Variants in MDN1 observed in about 807,000 individuals in gnomAD.
MDN1 encodes midasin AAA ATPase 1.
A neutral mutation model predicts 669.2 loss-of-function variants in MDN1; 266 were observed. That is an observed-to-expected ratio of 0.40 (90% confidence interval 0.36 to 0.44). The LOEUF is 0.44. Ranked by LOEUF, MDN1 falls within the 20% of genes least tolerant of loss-of-function variation. The probability of loss-of-function intolerance (pLI) is 1.00; values close to 1 mark genes in which losing one functional copy is unlikely to be tolerated. For missense variants in MDN1, 5,940 were observed against 6,754.0 expected, an observed-to-expected ratio of 0.88 and a Z score of 4.22; for synonymous variants, 2,385 against 2,457.1, an observed-to-expected ratio of 0.97 and a Z score of 0.87.
chr6:89,647,605 C>T (rs1808570265), intron 99 of MDN1, among the ~76,000 whole-genome samples: 1 of 152,138 alleles, frequency 6.6e-6, no homozygotes, highest in Non-Finnish European at 1.5e-5. Context: ...GCTAAGGAAG[C>T]TTCTATTCCA....
rs549477203 is a variant in MDN1 at position 89,793,525 on chromosome 6, C to T, written c.855+237G>A. ...TCCAGGAGTTCCAGATCAGCACAGACAACATAGTGAGACCCCGTCTCTACA... is the reference window on the plus strand; with the variant it reads ...TCCAGGAGTTCCAGATCAGCACAGATAACATAGTGAGACCCCGTCTCTACA... On this transcript the variant is annotated intron_variant, in intron 5 of 101. Transcript: ENST00000369393. Among the ~76,000 whole-genome samples, 9 of 152,246 alleles carry T rather than the reference C, an allele frequency of 5.9e-5. No homozygotes were observed. The East Asian group carries it at 1.7e-3, about 29-fold the overall frequency.
In MDN1 at chr6:89,745,511, T is replaced by C; in HGVS notation, c.4020A>G (p.Glu1340=). The change falls in exon 28 of 102, where the codon GAA becomes GAG. Residue 1340 remains glutamate (E), a synonymous_variant. Transcript: ENST00000369393. ...ACTCACCCAGCAATTTTAGAACATT[T>C]TCTTTGGAGAAAAGAGATTGAGGAC... ...KLCPQSLFSK[E]NVLKLLGKLS... 6.2e-7 allele frequency: 1 copy of C among 1,614,160 alleles called. No individual in the cohort carries two copies. Among genetic ancestry groups the C allele is most frequent in the South Asian group, 1.1e-5 (1 of 91,078 alleles).
At position 89,701,589 on chromosome 6, in the gene MDN1, T is replaced by C; in HGVS notation, c.8396A>G (p.Gln2799Arg). The C allele has an allele frequency of 6.2e-7, 1 of 1,614,186 alleles. No individual in the cohort carries two copies. Among genetic ancestry groups the C allele is most frequent in the Non-Finnish European group, 8.5e-7 (1 of 1,180,016 alleles). Residue 2799 changes from glutamine (Q) to arginine (R), a missense_variant, in exon 55 of 102, where the codon CAG becomes CGG. Physicochemically the swap from Gln to Arg is conservative, Grantham distance 43. Around this residue, in one of 5 missense-constraint regions of MDN1, gnomAD observed 2,292 missense variants for 2,638.3 expected, o/e 0.87. Transcript: ENST00000369393. ...AGGAAACGGTCGTCCCAGGAACTTC[T>C]GCAACTTCTTTATACCAGCGAAGCC... ...TGGFAGIKKL[Q>R]KFLGRPFPFK...
chr6:89,722,902 A>G (rs764108), intron 40 of MDN1, 53 bp downstream of exon 40: 264,534 of 1,505,456 alleles, frequency 0.18, 23,949 homozygotes, highest in East Asian at 0.2. Context: ...TCTCACCCAC[A>G]GGAAATCAAC....
At chr6:89,734,653 T>C (rs1386074686) in intron 33 of MDN1, among the ~76,000 whole-genome samples, 2 of 118,636 alleles carry the variant, frequency 1.7e-5, no homozygotes, top group South Asian at 2.7e-4. Flanking sequence ...GAGCCAGACA[T>C]TGTCTCAAAG....
intron 44 of MDN1, 139 bp from the exon 45 acceptor site, chr6:89,715,908 C>A: frequency 1.5e-6 from 1 of 677,558 alleles, no homozygotes; most frequent in South Asian, 1.7e-5. Flanking sequence ...ACAGTGATCT[C>A]TTTCAAAAGT....
chr6:89,779,539 A>G (rs1287083709), intron 11 of MDN1, among the ~76,000 whole-genome samples: 1 of 152,216 alleles, frequency 6.6e-6, no homozygotes, highest in African/African-American at 2.4e-5. Flanking sequence ...AAGTAGAGGG[A>G]TCGGATAGTT....
intron 88 of MDN1, among the ~76,000 whole-genome samples, chr6:89,659,917 C>T (rs148689164): frequency 2.0e-5 from 3 of 152,088 alleles, no homozygotes; most frequent in African/African-American, 4.8e-5. Flanking sequence ...GATGGAGTCT[C>T]GCTCTTGTTG....
chr6:89,670,036 C>G (rs1249446329), intron 83 of MDN1, among the ~76,000 whole-genome samples: 1 of 149,876 alleles, frequency 6.7e-6, no homozygotes, highest in Non-Finnish European at 1.5e-5. Flanking sequence ...AACCCTGTCT[C>G]TACTAAAAAT....
intron 60 of MDN1, 146 bp downstream of exon 60, chr6:89,696,214 T>C: frequency 9.2e-7 from 1 of 1,089,232 alleles, no homozygotes; most frequent in South Asian, 1.5e-5. Context: ...CACGGTAGCC[T>C]GAAAACATGC....
At position 89,771,550 on chromosome 6, in the gene MDN1, G is replaced by A. The variant is rs1399657834; in HGVS notation, c.2144+11C>T. 1.2e-6 allele frequency: 2 copies of A among 1,607,134 alleles called. No homozygotes were observed. The highest frequency in any genetic ancestry group is 1.3e-5 in the African/African-American group (1 of 74,514). The stretch of plus-strand genomic sequence containing the variant: ...CACAAAAATAAGAAAAAAATTTTAA[G>A]CCACACTTACCCTCCAAGCAAGTCT... On this transcript the variant is annotated intron_variant, in intron 15 of 101. Coordinates refer to ENST00000369393, the MANE Select transcript of MDN1 (RefSeq NM_014611.3).
At chr6:89,750,284 G>T in intron 24 of MDN1, 70 bp downstream of exon 24, 1 of 1,446,906 alleles carries the variant, frequency 6.9e-7, no homozygotes, top group South Asian at 1.3e-5. Context: ...AAAGGATGAA[G>T]AATATTACTT....
Position 89,670,888 on chromosome 6 carries a change from G to A in MDN1, c.13956+31C>T, listed in dbSNP as rs1810705690. On this transcript the variant is annotated intron_variant, in intron 83 of 101. Transcript: ENST00000369393. ...CATGAAATTTACTTGGGTCCCTGCT[G>A]CTCACAGTGCACCATGTGAACAGTC... 9 of 1,598,048 alleles carry A rather than the reference G, an allele frequency of 5.6e-6. No homozygotes were observed. The East Asian group carries it at 2.0e-4, about 36-fold the overall frequency.
chr6:89,647,540 C>G (rs1491001857), intron 99 of MDN1, among the ~76,000 whole-genome samples: 1 of 152,166 alleles, frequency 6.6e-6, no homozygotes, highest in Admixed American at 6.5e-5. Flanking sequence ...GATGCAAAGT[C>G]AAGTGATCCT....
At chr6:89,747,613 C>T (rs886905559) in intron 26 of MDN1, 143 bp from the exon 27 acceptor site, 32 of 1,006,588 alleles carry the variant, frequency 3.2e-5, no homozygotes, top group Middle Eastern at 4.6e-4. Flanking sequence ...ATTTTTTGGC[C>T]GGGCGTGGTG....
At chr6:89,705,651 T>C (rs149001831) in intron 53 of MDN1, among the ~76,000 whole-genome samples, 2 of 152,196 alleles carry the variant, frequency 1.3e-5, no homozygotes, top group African/African-American at 2.4e-5. Flanking sequence ...AAAAAGTATA[T>C]ATACTGCATA....
chr6:89,753,763 G>C, intron 21 of MDN1, 141 bp from the exon 22 acceptor site: 1 of 732,758 alleles, frequency 1.4e-6, no homozygotes, highest in Admixed American at 2.3e-5. Context: ...TAAAGGGAAG[G>C]GTAGGCCAGG....
At chr6:89,667,862 A>T in intron 84 of MDN1, 152 bp downstream of exon 84, 2 of 793,766 alleles carry the variant, frequency 2.5e-6, no homozygotes, top group Admixed American at 3.5e-5. Context: ...CTTTTTATTT[A>T]CACCCACTGC....
chr6:89,756,053 A>G (rs963982350), intron 20 of MDN1, among the ~76,000 whole-genome samples: 5 of 152,248 alleles, frequency 3.3e-5, no homozygotes, highest in African/African-American at 1.2e-4. Context: ...GATGGTTTAT[A>G]TCTTCTCATA....
Sources: allele counts gnomAD v4.1 joint callset (sites outside exome capture counted in the v4.1 genomes callset), GRCh38; gene constraint gnomAD v4.1.1; regional missense constraint gnomAD v4.1.1; transcripts MANE v1.5; gene names NCBI Gene and HGNC (gene_info 2026-07-23, HGNC 2026-07-21).